Variants in LOC128125822 observed in about 807,000 individuals in gnomAD.
At chr6:63,574,438 G>A in the LOC128125822 span, among the ~76,000 whole-genome samples, 5 of 152,136 alleles carry the variant, frequency 3.3e-5, no homozygotes, top group Admixed American at 3.3e-4. Context: ...GTCTTGGGCG[G>A]AACAGAAATC....
the LOC128125822 span, chr6:63,572,757 A>G: frequency 5.0e-6 from 2 of 398,160 alleles, no homozygotes; most frequent in African/African-American, 4.1e-5. Flanking sequence ...CGGGCTGGGA[A>G]TCCACGACCG....
At chr6:63,574,299 A>G in the LOC128125822 span, among the ~76,000 whole-genome samples, 4 of 152,216 alleles carry the variant, frequency 2.6e-5, no homozygotes, top group Non-Finnish European at 5.9e-5. Context: ...GCTTCTGCAC[A>G]GAGATTACTC....
the LOC128125822 span, among the ~76,000 whole-genome samples, chr6:63,575,290 A>G: frequency 6.6e-6 from 1 of 152,206 alleles, no homozygotes; most frequent in Non-Finnish European, 1.5e-5. Flanking sequence ...GGCAGTGACT[A>G]TGAATTACTG....
the LOC128125822 span, chr6:63,573,685 T>C: frequency 4.6e-5 from 7 of 152,304 alleles, no homozygotes; most frequent in Non-Finnish European, 7.3e-5. Flanking sequence ...TCCGGATTTA[T>C]CGCCCCACCT....
chr6:63,576,310 C>G, the LOC128125822 span: 13 of 386,848 alleles, frequency 3.4e-5, no homozygotes, highest in African/African-American at 2.5e-4. Context: ...AAGTAAAAGT[C>G]GATGAAGCGG....
the LOC128125822 span, among the ~76,000 whole-genome samples, chr6:63,573,012 C>T: frequency 1.3e-5 from 2 of 152,034 alleles, no homozygotes; most frequent in African/African-American, 2.4e-5. Flanking sequence ...CGCGGTCCGG[C>T]TTCTGCGGCG....
chr6:63,575,123 T>C, the LOC128125822 span, among the ~76,000 whole-genome samples: 1 of 152,230 alleles, frequency 6.6e-6, no homozygotes, highest in African/African-American at 2.4e-5. Context: ...CTAGAAACTA[T>C]AACTAGCATG....
At chr6:63,573,594 C>G in the LOC128125822 span, 1 of 152,338 alleles carries the variant, frequency 6.6e-6, no homozygotes, top group South Asian at 2.1e-4. Flanking sequence ...CCTGCCCGGG[C>G]CAGAGTGGGG....
the LOC128125822 span, chr6:63,573,096 C>T: frequency 5.8e-6 from 1 of 173,016 alleles, no homozygotes; most frequent in African/African-American, 2.4e-5. Context: ...GCCGCCTCCG[C>T]CCTTGGCCCT....
chr6:63,575,809 G>C, the LOC128125822 span, among the ~76,000 whole-genome samples: 1 of 152,104 alleles, frequency 6.6e-6, no homozygotes, highest in South Asian at 2.1e-4. Context: ...AGTTTAATGG[G>C]AATGATAACA....
At chr6:63,574,457 G>GC in the LOC128125822 span, among the ~76,000 whole-genome samples, 1 of 152,090 alleles carries the variant, frequency 6.6e-6, no homozygotes, top group African/African-American at 2.4e-5. Flanking sequence ...TCTATCGGTG[G>GC]CCACCACTGC....
At chr6:63,572,581 G>T in the LOC128125822 span, 4 of 414,738 alleles carry the variant, frequency 9.6e-6, no homozygotes, top group East Asian at 3.5e-5. Context: ...CCCCGCCGCC[G>T]CCTGCATCGC....
chr6:63,574,666 C>T, the LOC128125822 span, among the ~76,000 whole-genome samples: 1 of 152,138 alleles, frequency 6.6e-6, no homozygotes, highest in South Asian at 2.1e-4. Context: ...GAAATACTGC[C>T]TCAAATTAGC....
chr6:63,576,715 G>T, the LOC128125822 span: 1 of 622,906 alleles, frequency 1.6e-6, no homozygotes, highest in Non-Finnish European at 2.8e-6. Flanking sequence ...GCTGCTTCTT[G>T]TTAGGAGGTT....
the LOC128125822 span, chr6:63,572,649 G>T: frequency 2.4e-6 from 1 of 413,724 alleles, no homozygotes; most frequent in East Asian, 3.5e-5. Flanking sequence ...CACCGCCACC[G>T]CCTGTGTCGC....
chr6:63,577,056 A>C, the LOC128125822 span: 1 of 1,250,798 alleles, frequency 8.0e-7, no homozygotes, highest in Non-Finnish European at 1.1e-6. Flanking sequence ...CTAACAAAAT[A>C]AAAACTACTT....
chr6:63,573,093 C>T, the LOC128125822 span: 2 of 174,124 alleles, frequency 1.1e-5, no homozygotes, highest in Non-Finnish European at 2.4e-5. Flanking sequence ...ACCGCCGCCT[C>T]CGCCCTTGGC....
chr6:63,578,390 G>C, the LOC128125822 span: 1 of 1,569,390 alleles, frequency 6.4e-7, no homozygotes, highest in South Asian at 1.2e-5. Context: ...TTGAGTTATA[G>C]TGATGTGGTT....
chr6:63,572,518 G>C, the LOC128125822 span: 1 of 391,498 alleles, frequency 2.6e-6, no homozygotes, highest in South Asian at 1.3e-4. Context: ...CTGCGGGCCG[G>C]CTCGGCTACG....
Sources: allele counts gnomAD v4.1 joint callset (sites outside exome capture counted in the v4.1 genomes callset), GRCh38; gene constraint gnomAD v4.1.1; transcripts MANE v1.5.